Variants in DYNC2H1 observed in about 807,000 individuals in gnomAD.
DYNC2H1 encodes cytoplasmic dynein 2 heavy chain 1.
In DYNC2H1, 410 loss-of-function variants were observed where a neutral mutation model predicts 570.0. That is an observed-to-expected ratio of 0.72 (90% CI 0.66 to 0.78). DYNC2H1 has a LOEUF of 0.78. Among genes scored for constraint, DYNC2H1 ranks in the 30% least tolerant of loss-of-function variants. The pLI is 0.00. For synonymous variants in DYNC2H1, 1,688 were observed against 1,677.6 expected (o/e 1.01, Z -0.15); for missense variants, 4,865 against 5,046.4 (o/e 0.96, Z 1.09).
intron 17 of DYNC2H1, 26 bp from the exon 18 acceptor site, chr11:103,143,242 A>G: frequency 1.2e-6 from 2 of 1,606,854 alleles, no homozygotes; most frequent in South Asian, 1.1e-5. Context: ...TGTCTTTAAT[A>G]ATACATTTTT....
chr11:103,385,065 CT>C (rs1941817035), intron 83 of DYNC2H1, among the ~76,000 whole-genome samples: 1 of 152,060 alleles, frequency 6.6e-6, no homozygotes, highest in African/African-American at 2.4e-5. Context: ...TTTGATCTAT[CT>C]TTTCTTGCTG....
chr11:103,251,708 A>C (rs1197766320), intron 65 of DYNC2H1, among the ~76,000 whole-genome samples: 1 of 151,958 alleles, frequency 6.6e-6, no homozygotes, highest in Non-Finnish European at 1.5e-5. Context: ...TTCCCCTGCT[A>C]CCTGCCCCTG....
intron 1 of DYNC2H1, among the ~76,000 whole-genome samples, chr11:103,111,305 T>C (rs1382810900): frequency 6.6e-6 from 1 of 152,224 alleles, no homozygotes; most frequent in African/African-American, 2.4e-5. Context: ...TAACATTTAT[T>C]TTCACTTTAG....
At chr11:103,428,291 T>C (rs1449356892) in intron 84 of DYNC2H1, among the ~76,000 whole-genome samples, 2 of 113,388 alleles carry the variant, frequency 1.8e-5, no homozygotes, top group Admixed American at 1.8e-4. Context: ...AGCAAATATT[T>C]ATTGCCCACC....
intron 36 of DYNC2H1, 44 bp from the exon 37 acceptor site, chr11:103,176,191 A>T (rs915402045): frequency 3.5e-5 from 49 of 1,407,852 alleles, no homozygotes; most frequent in Non-Finnish European, 4.5e-5. Context: ...TTTTTTCATC[A>T]TTAAAGTAAT....
chr11:103,328,315 C>G (rs1318120633), intron 82 of DYNC2H1, among the ~76,000 whole-genome samples: 1 of 152,022 alleles, frequency 6.6e-6, no homozygotes, highest in Non-Finnish European at 1.5e-5. Flanking sequence ...CACAGTGCTT[C>G]AATCATTTTA....
At position 103,201,674 on chromosome 11, in the gene DYNC2H1, G is replaced by A. The variant is rs1177324970; in HGVS notation, c.8197+1520G>A. 6.6e-6 allele frequency among the ~76,000 whole-genome samples: 1 copy of A among 152,154 alleles called. No individual in the cohort carries two copies. Among genetic ancestry groups the A allele is most frequent in the Non-Finnish European group, 1.5e-5 (1 of 68,026 alleles). ...CCTGTGGCTCTGTCCCCAGCAAACTGTGGTACTCTCCTGCTGTCTGTGGTG... is the reference window on the plus strand; with the variant it reads ...CCTGTGGCTCTGTCCCCAGCAAACTATGGTACTCTCCTGCTGTCTGTGGTG... On this transcript the variant is annotated intron_variant, in intron 50 of 88. Transcript: ENST00000375735. The surrounding 1 kb of genome is among the most constrained non-coding windows in gnomAD (Gnocchi z 4.8).
In DYNC2H1 at chr11:103,412,924, G is replaced by A. The variant is rs185285034; in HGVS notation, c.12366+13052G>A. 5.4e-3 allele frequency among the ~76,000 whole-genome samples: 823 copies of A among 152,114 alleles called. 9 individuals are homozygous for A. Among genetic ancestry groups the A allele is most frequent in the Non-Finnish European group, 8.5e-3 (579 of 67,984 alleles). On this transcript the variant is annotated intron_variant, in intron 84 of 88. Transcript: ENST00000375735. ...CTCTACCATGGCCCTCTTTGTAGGA[G>A]TGGTTCTCAAAGTGTGGTCTCCAGA...
chr11:103,312,037 A>T lies in DYNC2H1; in HGVS notation c.11649+4A>T, dbSNP rs372714647. 8.1e-6 allele frequency: 13 copies of T among 1,603,924 alleles called. No homozygotes were observed. Among genetic ancestry groups the T allele is most frequent in the Non-Finnish European group, 1.1e-5 (13 of 1,177,382 alleles). The stretch of plus-strand genomic sequence containing the variant: ...AAGAAGAAACTATATTCCTCAGGTA[A>T]GTAAGAACATGTCTTGAATACATTC... On this transcript the variant is annotated splice_donor_region_variant and intron_variant, in intron 79 of 88. Transcript: ENST00000375735.
chr11:103,130,328 A>T (rs1353280470), intron 13 of DYNC2H1, among the ~76,000 whole-genome samples: 1 of 152,120 alleles, frequency 6.6e-6, no homozygotes, highest in Non-Finnish European at 1.5e-5. Flanking sequence ...AAGTTCCCAA[A>T]TGCCAACTAA....
intron 79 of DYNC2H1, among the ~76,000 whole-genome samples, chr11:103,313,468 G>T (rs988362812): frequency 2.6e-5 from 4 of 151,700 alleles, no homozygotes; most frequent in Non-Finnish European, 5.9e-5. Context: ...TTTTCAACTT[G>T]GTCCACTTCT....
chr11:103,206,585 A>G (rs2135104952), intron 52 of DYNC2H1, among the ~76,000 whole-genome samples: 1 of 152,294 alleles, frequency 6.6e-6, no homozygotes, highest in South Asian at 2.1e-4. Context: ...AGGAAGAACC[A>G]AAGGACACTG....
At chr11:103,142,490 C>T (rs1325488733) in intron 17 of DYNC2H1, among the ~76,000 whole-genome samples, 4 of 151,892 alleles carry the variant, frequency 2.6e-5, no homozygotes, top group Non-Finnish European at 5.9e-5. Context: ...GTCAACATGG[C>T]GAAACATCAT....
intron 65 of DYNC2H1, among the ~76,000 whole-genome samples, chr11:103,246,839 T>G (rs1417816514): frequency 6.6e-6 from 1 of 152,084 alleles, no homozygotes; most frequent in Non-Finnish European, 1.5e-5. Context: ...TAATCTAAGA[T>G]ATACAAATTA....
rs1938517337 is a variant in DYNC2H1, at chr11:103,326,843, C to T, written c.12039+2853C>T. 1.3e-5 allele frequency among the ~76,000 whole-genome samples: 2 copies of T among 152,144 alleles called. No homozygotes were observed. Among genetic ancestry groups the T allele is most frequent in the Admixed American group, 6.5e-5 (1 of 15,282 alleles). The stretch of plus-strand genomic sequence containing the variant: ...GAGCCTCTAGGAGGGTGATGAGGAC[C>T]CCTGGGGGAATGGGCACTTAGGGCC... On this transcript the variant is annotated intron_variant, in intron 82 of 88. Coordinates refer to ENST00000375735, the MANE Select transcript of DYNC2H1 (RefSeq NM_001377.3). This position sits in a 1 kb window ranked among gnomAD's most constrained non-coding sequence, Gnocchi z 6.1.
At chr11:103,130,085 G>A (rs1436623758) in intron 13 of DYNC2H1, among the ~76,000 whole-genome samples, 1 of 152,176 alleles carries the variant, frequency 6.6e-6, no homozygotes, top group Non-Finnish European at 1.5e-5. Flanking sequence ...CACAGAGGGT[G>A]TACTTATTTT....
intron 70 of DYNC2H1, among the ~76,000 whole-genome samples, chr11:103,265,337 C>T (rs1025218072): frequency 1.2e-4 from 18 of 152,178 alleles, no homozygotes; most frequent in African/African-American, 4.1e-4. Context: ...ATGTAATAAA[C>T]CTGCACGTTC....
intron 83 of DYNC2H1, among the ~76,000 whole-genome samples, chr11:103,359,976 T>A (rs1431021072): frequency 6.6e-6 from 1 of 152,068 alleles, no homozygotes; most frequent in Non-Finnish European, 1.5e-5. Flanking sequence ...AAACCCTCAT[T>A]TGGAATGTAG....
intron 43 of DYNC2H1, 88 bp downstream of exon 43, chr11:103,187,674 G>A (rs1862130137): frequency 6.7e-7 from 1 of 1,483,942 alleles, no homozygotes; most frequent in South Asian, 1.3e-5. Flanking sequence ...TTCTTCATTT[G>A]GGGCCAGTTT....
Sources: gnomAD v4.1 joint callset for allele counts (sites outside exome capture counted in the v4.1 genomes callset) on GRCh38, gnomAD v4.1.1 for gene constraint, Gnocchi (gnomAD v3.1) non-coding constraint, MANE v1.5 for transcripts, NCBI Gene and HGNC (gene_info 2026-07-23, HGNC 2026-07-21) for gene names.